The following DNAH11 variants were observed in gnomAD, a reference collection of about 807,000 sequenced individuals.
DNAH11 encodes axonemal beta dynein heavy chain 11.
In DNAH11, 442 loss-of-function variants were observed where a neutral mutation model predicts 526.0. The observed-to-expected ratio is 0.84, with a 90% confidence interval of 0.78 to 0.91. DNAH11 has a LOEUF of 0.91. Among genes scored for constraint, DNAH11 ranks in the 40% least tolerant of loss-of-function variants. The pLI is 0.00. For synonymous variants in DNAH11, 2,461 were observed against 1,935.9 expected (o/e 1.27, Z -7.12); for missense variants, 6,989 against 5,448.7 (o/e 1.28, Z -8.90).
chr7:21,634,644 C>T (rs1786771972), intron 25 of DNAH11, among the ~76,000 whole-genome samples: 1 of 152,126 alleles, frequency 6.6e-6, no homozygotes, highest in African/African-American at 2.4e-5. Flanking sequence ...GGGAATGATA[C>T]ACACTGGGGC....
intron 65 of DNAH11, among the ~76,000 whole-genome samples, chr7:21,828,791 C>G (rs1020534162): frequency 9.9e-4 from 147 of 147,902 alleles, no homozygotes; most frequent in African/African-American, 3.6e-3. Flanking sequence ...ACAATGTTAC[C>G]TGGACTCCTG....
At position 21,773,780 on chromosome 7, in the gene DNAH11, C is replaced by G; in HGVS notation, c.9117C>G (p.Asp3039Glu). The G allele has an allele frequency of 6.3e-7, 1 of 1,586,200 alleles. No homozygotes were observed. The highest frequency in any genetic ancestry group is 8.6e-7 in the Non-Finnish European group (1 of 1,167,086). The stretch of plus-strand genomic sequence containing the variant: ...TGTGTTTTCAGCCAGTGCACAAAGA[C>G]TCTATTAGCCTTTTCATGGCACATG... ...ETKGIEPVHKDSISLFMAHVH... is the reference protein window; with the variant it reads ...ETKGIEPVHKESISLFMAHVH... The change falls in exon 56 of 82, where the codon GAC (aspartate) becomes GAG (glutamate). Residue 3039 changes from aspartate to glutamate, a missense_variant. Coordinates refer to ENST00000409508, the MANE Select transcript of DNAH11 (RefSeq NM_001277115.2).
chr7:21,655,817 A>T lies in DNAH11; in HGVS notation c.4945-15A>T, dbSNP rs373118205. ...GTAAGAAATGTTCTTATCTTTTCTA[A>T]TATTCTCATTTTAGGTAACATGTCA... On this transcript the variant is annotated splice_polypyrimidine_tract_variant and intron_variant, in intron 28 of 81. Coordinates refer to ENST00000409508, the MANE Select transcript of DNAH11 (RefSeq NM_001277115.2). 3 of 1,608,564 alleles carry T rather than the reference A, an allele frequency of 1.9e-6. No individual in the cohort carries two copies. In the African/African-American group the frequency reaches 4.0e-5, roughly 21 times the overall value.
chr7:21,820,571 C>T (rs982952523), intron 65 of DNAH11, among the ~76,000 whole-genome samples: 1 of 152,026 alleles, frequency 6.6e-6, no homozygotes, highest in Admixed American at 6.6e-5. Flanking sequence ...AAATAGAATC[C>T]AAATGGGTGG....
At chr7:21,760,233 T>C (rs1411248232) in intron 54 of DNAH11, among the ~76,000 whole-genome samples, 1 of 152,162 alleles carries the variant, frequency 6.6e-6, no homozygotes, top group Non-Finnish European at 1.5e-5. Flanking sequence ...CAACTCAAGG[T>C]ATGCTTCCAA....
intron 14 of DNAH11, among the ~76,000 whole-genome samples, chr7:21,594,055 TACACACATACAC>T (rs896321970): frequency 1.3e-5 from 1 of 77,672 alleles, no homozygotes; most frequent in African/African-American, 4.2e-5. Context: ...CACTCTTTCA[TACACACATACAC>T]ACACACACAC....
intron 69 of DNAH11, among the ~76,000 whole-genome samples, chr7:21,863,073 AAAAAAAGAAAAAG>A (rs1783128799): frequency 6.7e-6 from 1 of 148,226 alleles, no homozygotes; most frequent in Non-Finnish European, 1.5e-5. Context: ...CAAAAAAAAA[AAAAAAAGAAAAAG>A]AAAAGAAAAA....
chr7:21,692,469 G>A (rs1052295837), intron 35 of DNAH11, among the ~76,000 whole-genome samples: 1 of 152,154 alleles, frequency 6.6e-6, no homozygotes, highest in African/African-American at 2.4e-5. Flanking sequence ...TTGTGGTTTT[G>A]AGATTTATCC....
At chr7:21,734,635 C>T (rs1785525501) in intron 45 of DNAH11, among the ~76,000 whole-genome samples, 1 of 152,062 alleles carries the variant, frequency 6.6e-6, no homozygotes, top group African/African-American at 2.4e-5. Flanking sequence ...GGCAGGTGAT[C>T]ACTTCAGCCC....
At chr7:21,789,816 C>CTT (rs1369471553) in intron 61 of DNAH11, among the ~76,000 whole-genome samples, 1 of 70,060 alleles carries the variant, frequency 1.4e-5, no homozygotes, top group Non-Finnish European at 3.5e-5. Flanking sequence ...TTTTTTCTTT[C>CTT]TTTCTTTCTT....
intron 20 of DNAH11, among the ~76,000 whole-genome samples, chr7:21,612,546 C>G (rs1423428352): frequency 9.0e-6 from 1 of 111,122 alleles, no homozygotes; most frequent in East Asian, 3.2e-4. Context: ...CAGAGTGAGG[C>G]TCCGTCTCAA....
At chr7:21,637,523 GTTC>G in intron 26 of DNAH11, 85 bp from the exon 27 acceptor site, 1 of 930,514 alleles carries the variant, frequency 1.1e-6, no homozygotes, top group Non-Finnish European at 1.7e-6. Flanking sequence ...TTCATTCTTT[GTTC>G]TTCATTTTTT....
chr7:21,617,832 C>G, intron 23 of DNAH11, 55 bp downstream of exon 23: 1 of 1,479,556 alleles, frequency 6.8e-7, no homozygotes, highest in Non-Finnish European at 9.0e-7. Flanking sequence ...AGTGTTACTT[C>G]TTGGTTTGCA....
intron 2 of DNAH11, among the ~76,000 whole-genome samples, chr7:21,551,367 G>T (rs566204110): frequency 6.6e-6 from 1 of 152,288 alleles, no homozygotes; most frequent in African/African-American, 2.4e-5. Context: ...ATGAGCTATG[G>T]TTACCTCTGC....
chr7:21,748,534 G>C (rs573700908), intron 51 of DNAH11, 46 bp from the exon 52 acceptor site: 1 of 1,421,770 alleles, frequency 7.0e-7, no homozygotes, highest in Non-Finnish European at 9.3e-7. Flanking sequence ...ACATAGTCCC[G>C]GGGCATTTTC....
At chr7:21,784,616 G>C in intron 58 of DNAH11, 76 bp downstream of exon 58, 1 of 1,065,244 alleles carries the variant, frequency 9.4e-7, no homozygotes, top group Non-Finnish European at 1.3e-6. Context: ...TAACTGAGCT[G>C]AGAGAGTAGC....
At chr7:21,652,419 G>C (rs1407138110) in intron 28 of DNAH11, among the ~76,000 whole-genome samples, 1 of 152,222 alleles carries the variant, frequency 6.6e-6, no homozygotes, top group Non-Finnish European at 1.5e-5. Context: ...GCAGAGAAAA[G>C]ATGCTCGTTC....
chr7:21,555,797 G>C (rs1783196767), intron 2 of DNAH11, among the ~76,000 whole-genome samples: 1 of 152,178 alleles, frequency 6.6e-6, no homozygotes, highest in South Asian at 2.1e-4. Context: ...CGCCTGGATA[G>C]AGTGGGCCAC....
At chr7:21,625,949 AAG>A (rs1786312111) in intron 25 of DNAH11, among the ~76,000 whole-genome samples, 1 of 152,162 alleles carries the variant, frequency 6.6e-6, no homozygotes, top group African/African-American at 2.4e-5. Context: ...ATTGATGCGT[AAG>A]AGATGTACAT....
Sources: allele counts gnomAD v4.1 joint callset (sites outside exome capture counted in the v4.1 genomes callset), GRCh38; gene constraint gnomAD v4.1.1; transcripts MANE v1.5; gene names NCBI Gene and HGNC (gene_info 2026-07-23, HGNC 2026-07-21).